PTPRT: variants seen among roughly 807,000 people sequenced by gnomAD.
The protein encoded by PTPRT is protein tyrosine phosphatase receptor type T.
A neutral mutation model predicts 176.8 loss-of-function variants in PTPRT; 56 were observed. That is an observed-to-expected ratio of 0.32 (90% CI 0.26 to 0.40). The LOEUF (loss-of-function observed/expected upper bound fraction) is 0.40, where lower values mean the gene tolerates loss of function less well. Among genes scored for constraint, PTPRT ranks in the 10% least tolerant of loss-of-function variants. PTPRT has a pLI of 1.00. For synonymous variants in PTPRT, 783 were observed against 739.0 expected (o/e 1.06, Z -0.96); for missense variants, 1,540 against 1,908.2 (o/e 0.81, Z 3.60).
chr20:42,375,529 G>A (rs1177051668), intron 9 of PTPRT, among the ~76,000 whole-genome samples: 2 of 152,068 alleles, frequency 1.3e-5, no homozygotes, highest in Non-Finnish European at 2.9e-5. Flanking sequence ...TGGAAGAAGG[G>A]ACTAGGCCCT....
In PTPRT at chr20:42,652,600, G is replaced by T. The variant is rs184631651; in HGVS notation, c.1153+25266C>A. Among the ~76,000 whole-genome samples, 7 of 152,246 alleles carry T rather than the reference G, an allele frequency of 4.6e-5. No individual in the cohort carries two copies. In the East Asian group the frequency reaches 1.2e-3, roughly 25 times the overall value. Reference sequence around the variant, plus strand: ...CTAGAAACTCCAATCTGTGCTGTCAGAACCAATCCTACTCATCACATTCCT... The same window carrying T: ...CTAGAAACTCCAATCTGTGCTGTCATAACCAATCCTACTCATCACATTCCT... On this transcript the variant is annotated intron_variant, in intron 7 of 30. Coordinates refer to ENST00000373187, the MANE Select transcript of PTPRT (RefSeq NM_007050.6).
intron 8 of PTPRT, among the ~76,000 whole-genome samples, chr20:42,467,955 A>G (rs2071127935): frequency 6.6e-6 from 1 of 152,220 alleles, no homozygotes; most frequent in African/African-American, 2.4e-5. Flanking sequence ...GTGAGCTGCC[A>G]AGCAAAACCA....
intron 9 of PTPRT, among the ~76,000 whole-genome samples, chr20:42,358,359 G>A (rs755030593): frequency 2.0e-5 from 3 of 152,140 alleles, no homozygotes; most frequent in Non-Finnish European, 2.9e-5. Context: ...TTGAGCTCTT[G>A]ACTAGGTGCT....
chr20:42,152,014 G>A (rs1254073377), intron 17 of PTPRT, among the ~76,000 whole-genome samples: 1 of 152,198 alleles, frequency 6.6e-6, no homozygotes, highest in African/African-American at 2.4e-5. Context: ...TGATGTCGAT[G>A]GTCAGCTTGT....
At chr20:42,951,828 T>C (rs11905598) in intron 1 of PTPRT, among the ~76,000 whole-genome samples, 10,906 of 152,138 alleles carry the variant, frequency 0.072, 1,142 homozygotes, top group African/African-American at 0.23. Flanking sequence ...ACTTACACGC[T>C]GTGTAAGCCT....
At chr20:42,541,835 T>A (rs2072587688) in intron 7 of PTPRT, among the ~76,000 whole-genome samples, 1 of 146,760 alleles carries the variant, frequency 6.8e-6, no homozygotes, top group Non-Finnish European at 1.5e-5. Flanking sequence ...AAATTTTAAA[T>A]TTAAAATTAA....
At chr20:43,142,066 C>A (rs1292121675) in intron 1 of PTPRT, among the ~76,000 whole-genome samples, 2 of 152,302 alleles carry the variant, frequency 1.3e-5, no homozygotes, top group South Asian at 4.1e-4. Context: ...GCCATCTGCT[C>A]CCTCATTTGC....
chr20:42,677,944 G>A lies in PTPRT; in HGVS notation c.1075C>T (p.Arg359Ter), dbSNP rs2075536372. The change falls in exon 7 of 31, where the codon CGA (arginine) becomes TGA (stop). Residue 359 changes from arginine (R) to a stop codon, truncating the protein, a stop_gained. Coordinates refer to ENST00000373187, the MANE Select transcript of PTPRT (RefSeq NM_007050.6). LOFTEE classifies it high-confidence loss of function. ...TCACCTGGTCGTGTGAGGAGCACTC[G>A]GATCTCATACTCAACATCGGGGTCC... Reference protein sequence around the residue: ...HLDPDVEYEIRVLLTRPGEGG... With the variant: ...HLDPDVEYEI 6.2e-7 allele frequency: 1 copy of A among 1,614,168 alleles called. No individual in the cohort carries two copies. The highest frequency in any genetic ancestry group is 8.5e-7 in the Non-Finnish European group (1 of 1,180,030).
intron 7 of PTPRT, among the ~76,000 whole-genome samples, chr20:42,480,978 G>A (rs1450128184): frequency 1.3e-5 from 2 of 151,488 alleles, no homozygotes; most frequent in African/African-American, 2.4e-5. Context: ...TTCATGAAAG[G>A]TTCATTCGAG....
intron 7 of PTPRT, among the ~76,000 whole-genome samples, chr20:42,488,249 G>C (rs1388488889): frequency 6.6e-6 from 1 of 152,080 alleles, no homozygotes; most frequent in Non-Finnish European, 1.5e-5. Flanking sequence ...ATTCCTTTGT[G>C]GTCTACATTC....
intron 18 of PTPRT, among the ~76,000 whole-genome samples, chr20:42,130,871 A>C (rs1246318448): frequency 6.6e-6 from 1 of 152,184 alleles, no homozygotes. Flanking sequence ...GATTCATGGT[A>C]GGTAAGAGAA....
At chr20:42,569,813 G>A (rs576973990) in intron 7 of PTPRT, among the ~76,000 whole-genome samples, 2 of 152,182 alleles carry the variant, frequency 1.3e-5, no homozygotes, top group East Asian at 1.9e-4. Flanking sequence ...CCAAGAAGAC[G>A]TTTATCATCA....
intron 7 of PTPRT, among the ~76,000 whole-genome samples, chr20:42,538,506 C>T (rs1438828022): frequency 6.6e-6 from 1 of 152,116 alleles, no homozygotes; most frequent in African/African-American, 2.4e-5. Context: ...TGACCTCAGC[C>T]CCCTAATCAG....
downstream of PTPRT, among the ~76,000 whole-genome samples, chr20:42,069,402 A>G (rs141901761): frequency 4.9e-4 from 74 of 152,282 alleles, 1 homozygote; most frequent in African/African-American, 1.8e-3. Context: ...GACATTGACT[A>G]ACTGACTGTG....
chr20:42,035,726 C>A, the PTPRT span, among the ~76,000 whole-genome samples: 1 of 152,038 alleles, frequency 6.6e-6, no homozygotes, highest in African/African-American at 2.4e-5. Context: ...TGGCAGAGTG[C>A]CTGGTACAAA....
chr20:42,653,063 T>G (rs993222056), intron 7 of PTPRT, among the ~76,000 whole-genome samples: 6 of 152,166 alleles, frequency 3.9e-5, no homozygotes, highest in African/African-American at 9.7e-5. Flanking sequence ...CATCTTGAAC[T>G]GTAGTTCCCA....
intron 26 of PTPRT, among the ~76,000 whole-genome samples, chr20:42,100,376 G>T (rs1024015417): frequency 6.6e-6 from 1 of 152,182 alleles, no homozygotes; most frequent in African/African-American, 2.4e-5. Flanking sequence ...TTTCTGCTAG[G>T]AGCAAAGCTG....
rs867411169 is a variant in PTPRT at position 42,322,339 on chromosome 20, A to G, written c.1866-6343T>C. ...CCAAAAGAACAAAGCTGGAGGCATC[A>G]CCCTACCTGACTTCAAACTATACTA... On this transcript the variant is annotated intron_variant, in intron 11 of 30. Coordinates refer to ENST00000373187, the MANE Select transcript of PTPRT (RefSeq NM_007050.6). Among the ~76,000 whole-genome samples, 52 of 150,040 alleles carry G rather than the reference A, an allele frequency of 3.5e-4. 1 individual carries two copies. The South Asian group carries it at 0.011, about 31-fold the overall frequency.
At chr20:42,451,474 T>A (rs955196786) in intron 8 of PTPRT, among the ~76,000 whole-genome samples, 4 of 151,892 alleles carry the variant, frequency 2.6e-5, no homozygotes, top group African/African-American at 9.7e-5. Context: ...ATGGAAACCG[T>A]AGGCAGGGAA....
Sources: allele counts gnomAD v4.1 joint callset (sites outside exome capture counted in the v4.1 genomes callset), GRCh38; gene constraint gnomAD v4.1.1; transcripts MANE v1.5; gene names NCBI Gene and HGNC (gene_info 2026-07-23, HGNC 2026-07-21).